Variants in MTCL3 observed in about 807,000 individuals in gnomAD.
MTCL3 encodes the protein microtubule cross-linking factor 3.
the MTCL3 span, chr6:127,476,024 C>T: frequency 6.2e-7 from 1 of 1,611,502 alleles, no homozygotes; most frequent in African/African-American, 1.3e-5. The surrounding 1 kb of genome is among the most constrained non-coding windows in gnomAD (Gnocchi z 4.4). Flanking sequence ...TTGTTCTGCT[C>T]CTCCAGGTCG....
chr6:127,481,011 T>C, the MTCL3 span, among the ~76,000 whole-genome samples: 1 of 152,142 alleles, frequency 6.6e-6, no homozygotes, highest in Non-Finnish European at 1.5e-5. Flanking sequence ...AGCTGGTAGA[T>C]TGCATAGCAT....
At chr6:127,507,711 C>A in the MTCL3 span, among the ~76,000 whole-genome samples, 1 of 151,798 alleles carries the variant, frequency 6.6e-6, no homozygotes, top group Non-Finnish European at 1.5e-5. Flanking sequence ...GGCATAGTGG[C>A]GTGTGCCAGT....
At chr6:127,494,258 C>G in the MTCL3 span, among the ~76,000 whole-genome samples, 1 of 152,082 alleles carries the variant, frequency 6.6e-6, no homozygotes, top group Non-Finnish European at 1.5e-5. Flanking sequence ...ATTACTTTTG[C>G]ACCAATTTAA....
At chr6:127,490,302 T>C in the MTCL3 span, among the ~76,000 whole-genome samples, 1 of 152,186 alleles carries the variant, frequency 6.6e-6, no homozygotes, top group Non-Finnish European at 1.5e-5. Flanking sequence ...ACAGGAGCTC[T>C]GATGGAGATG....
the MTCL3 span, among the ~76,000 whole-genome samples, chr6:127,474,479 T>C: frequency 2.4e-4 from 36 of 152,200 alleles, no homozygotes; most frequent in Non-Finnish European, 4.6e-4. Flanking sequence ...GGTTTCGCCA[T>C]GTTGGCCAGG....
At chr6:127,514,912 G>A in the MTCL3 span, 1 of 1,614,206 alleles carries the variant, frequency 6.2e-7, no homozygotes, top group Non-Finnish European at 8.5e-7. Flanking sequence ...GCTTTGCGGA[G>A]GCGGTACTGC....
the MTCL3 span, among the ~76,000 whole-genome samples, chr6:127,489,217 G>A: frequency 2.6e-5 from 4 of 152,184 alleles, no homozygotes; most frequent in African/African-American, 7.2e-5. Flanking sequence ...TTTGGGGCAC[G>A]ATTAACTTCA....
At chr6:127,515,024 G>T in the MTCL3 span, 11 of 1,613,922 alleles carry the variant, frequency 6.8e-6, no homozygotes, top group African/African-American at 1.3e-5. The surrounding 1 kb of genome is among the most constrained non-coding windows in gnomAD (Gnocchi z 4.3). Context: ...CGTCCATCTC[G>T]GTTCTCAGCT....
the MTCL3 span, among the ~76,000 whole-genome samples, chr6:127,512,525 A>C: frequency 2.8e-4 from 43 of 152,314 alleles, 1 homozygote; most frequent in South Asian, 7.5e-3. Flanking sequence ...CTCAATTGTA[A>C]GTAATCTCAT....
the MTCL3 span, chr6:127,476,119 C>G: frequency 6.2e-7 from 1 of 1,614,182 alleles, no homozygotes; most frequent in East Asian, 2.2e-5. This position sits in a 1 kb window ranked among gnomAD's most constrained non-coding sequence, Gnocchi z 4.4. Context: ...GCTCTGCTCC[C>G]TCATGAGCGG....
the MTCL3 span, among the ~76,000 whole-genome samples, chr6:127,511,932 GA>G: frequency 2.0e-5 from 3 of 152,126 alleles, no homozygotes; most frequent in African/African-American, 7.2e-5. Context: ...TCAGTCTGTG[GA>G]AAGATTAGAA....
chr6:127,478,238 G>GT, the MTCL3 span, among the ~76,000 whole-genome samples: 3 of 152,186 alleles, frequency 2.0e-5, no homozygotes, highest in African/African-American at 7.2e-5. Context: ...TCATTGGATT[G>GT]TATGGCCAAT....
At chr6:127,498,105 C>A in the MTCL3 span, among the ~76,000 whole-genome samples, 1 of 152,108 alleles carries the variant, frequency 6.6e-6, no homozygotes, top group East Asian at 1.9e-4. Flanking sequence ...TGGACTTGAT[C>A]AAAATTGCAA....
the MTCL3 span, among the ~76,000 whole-genome samples, chr6:127,492,793 A>T: frequency 1.3e-5 from 2 of 152,302 alleles, no homozygotes; most frequent in East Asian, 3.9e-4. Context: ...AAGCGCTGGG[A>T]TTACAGGCCT....
At chr6:127,486,124 A>G in the MTCL3 span, among the ~76,000 whole-genome samples, 1 of 152,100 alleles carries the variant, frequency 6.6e-6, no homozygotes, top group Non-Finnish European at 1.5e-5. Flanking sequence ...TTAAAATGAG[A>G]CCTCTAAATT....
the MTCL3 span, among the ~76,000 whole-genome samples, chr6:127,501,350 C>CTTGATAAAGTTCTATGAA: frequency 6.6e-6 from 1 of 152,154 alleles, no homozygotes; most frequent in African/African-American, 2.4e-5. Context: ...CCTAAATACA[C>CTTGATAAAGTTCTATGAA]ACAGTTGGAT....
At chr6:127,514,408 C>T in the MTCL3 span, among the ~76,000 whole-genome samples, 1 of 152,226 alleles carries the variant, frequency 6.6e-6, no homozygotes, top group South Asian at 2.1e-4. Context: ...TTTTGGGTTT[C>T]AACTCCCCCA....
chr6:127,517,605 C>T, the MTCL3 span: 1 of 152,148 alleles, frequency 6.6e-6, no homozygotes, highest in Non-Finnish European at 1.5e-5. Flanking sequence ...CTTCTTACAT[C>T]GCATATCATA....
the MTCL3 span, among the ~76,000 whole-genome samples, chr6:127,505,211 T>A: frequency 6.6e-6 from 1 of 152,110 alleles, no homozygotes; most frequent in Non-Finnish European, 1.5e-5. Flanking sequence ...GAGTACTGAG[T>A]AGCAATGGCG....
Sources: allele counts gnomAD v4.1 joint callset (sites outside exome capture counted in the v4.1 genomes callset), GRCh38; gene constraint gnomAD v4.1.1; non-coding constraint Gnocchi (gnomAD v3.1); transcripts MANE v1.5; gene names NCBI Gene and HGNC (gene_info 2026-07-23, HGNC 2026-07-21).